SGMS1: variants seen among roughly 807,000 people sequenced by gnomAD.
SGMS1 encodes phosphatidylcholine:ceramide cholinephosphotransferase 1.
In SGMS1, 13 loss-of-function variants were observed where a neutral mutation model predicts 46.2. The ratio of observed to expected loss-of-function variants is 0.28; its 90% CI spans 0.18 to 0.45. The LOEUF (loss-of-function observed/expected upper bound fraction) is 0.45. SGMS1 is among the 20% of genes least tolerant of loss of function. The pLI is 1.00. For missense variants in SGMS1, 324 were observed against 519.9 expected (o/e 0.62, Z 3.66); for synonymous variants, 203 against 187.8 (o/e 1.08, Z -0.66).
chr10:50,566,522 T>C (rs1356335217), intron 2 of SGMS1, among the ~76,000 whole-genome samples: 2 of 152,206 alleles, frequency 1.3e-5, no homozygotes, highest in Non-Finnish European at 2.9e-5. Flanking sequence ...TCACATTCAG[T>C]TCGGTTTAAC....
At chr10:50,383,315 TC>T (rs1392249422) in intron 6 of SGMS1, among the ~76,000 whole-genome samples, 2 of 152,288 alleles carry the variant, frequency 1.3e-5, no homozygotes, top group Admixed American at 6.5e-5. Context: ...TAAAAAGATT[TC>T]CATTGTAATT....
intron 6 of SGMS1, among the ~76,000 whole-genome samples, chr10:50,386,708 G>C (rs1047160817): frequency 6.6e-6 from 1 of 152,128 alleles, no homozygotes; most frequent in Non-Finnish European, 1.5e-5. Flanking sequence ...AGCAGGTTAA[G>C]CAGAGAATTG....
At chr10:50,593,701 A>G (rs1431936302) in intron 1 of SGMS1, among the ~76,000 whole-genome samples, 1 of 152,184 alleles carries the variant, frequency 6.6e-6, no homozygotes, top group Non-Finnish European at 1.5e-5. Flanking sequence ...CCTACTATGA[A>G]TGAAACAATA....
chr10:50,588,721 ATTT>A (rs71029314), intron 2 of SGMS1, among the ~76,000 whole-genome samples: 5 of 92,230 alleles, frequency 5.4e-5, no homozygotes, highest in Admixed American at 1.3e-4. Flanking sequence ...GACTGATCTA[ATTT>A]TTTTTTTTTT....
chr10:50,306,900 C>A lies in SGMS1; in HGVS notation c.*242G>T. On this transcript the variant is annotated 3_prime_UTR_variant, in exon 11 of 11. Coordinates refer to ENST00000361781, the MANE Select transcript of SGMS1 (RefSeq NM_147156.4). ...ATGGTGGTTGCGGGTTATGTAAATCCCAAACTTATGAACAGGAAATGTGTA... is the reference window on the plus strand; with the variant it reads ...ATGGTGGTTGCGGGTTATGTAAATCACAAACTTATGAACAGGAAATGTGTA... 1 of 359,080 alleles carries A rather than the reference C, an allele frequency of 2.8e-6. No individual in the cohort carries two copies. The allele number at this position is 359,080 out of a possible 1,614,324, so 22.2% of individuals were successfully genotyped here. A position where few individuals can be genotyped will look rare whatever the true frequency, so the allele number is the denominator to read the frequency against.
chr10:50,569,834 A>G (rs1475436855), intron 2 of SGMS1, among the ~76,000 whole-genome samples: 1 of 152,038 alleles, frequency 6.6e-6, no homozygotes, highest in Non-Finnish European at 1.5e-5. Flanking sequence ...TTCCCCTCCT[A>G]AAGTCTTCAT....
In SGMS1 at chr10:50,343,602, G is replaced by C; in HGVS notation, c.513C>G (p.Asp171Glu). Residue 171 changes from aspartate (D) to glutamate (E), a missense_variant, in exon 7 of 11, where the codon GAC (aspartate) becomes GAG (glutamate). Coordinates refer to ENST00000361781, the MANE Select transcript of SGMS1 (RefSeq NM_147156.4). ...CCCGGTTAAAATGGTCAAAAAATGTGTCCGGTAGTGGAGGCTGCACCTCCT... is the reference window on the plus strand; with the variant it reads ...CCCGGTTAAAATGGTCAAAAAATGTCTCCGGTAGTGGAGGCTGCACCTCCT... ...PPKEVQPPLPDTFFDHFNRVQ... is the reference protein window; with the variant it reads ...PPKEVQPPLPETFFDHFNRVQ... 6.2e-7 allele frequency: 1 copy of C among 1,614,136 alleles called. No individual in the cohort carries two copies. Among genetic ancestry groups the C allele is most frequent in the Non-Finnish European group, 8.5e-7 (1 of 1,180,036 alleles).
chr10:50,327,982 AC>A, intron 7 of SGMS1: 1 of 308,244 alleles, frequency 3.2e-6, no homozygotes. Flanking sequence ...AAAAATTCCT[AC>A]CATATAGTAG....
chr10:50,423,829 C>G (rs113144045), intron 6 of SGMS1, among the ~76,000 whole-genome samples: 285 of 152,304 alleles, frequency 1.9e-3, no homozygotes, highest in Non-Finnish European at 3.6e-3. Context: ...TACTCAAACT[C>G]CATTCATGAC....
At chr10:50,478,053 A>G (rs906471287) in intron 3 of SGMS1, among the ~76,000 whole-genome samples, 1 of 152,272 alleles carries the variant, frequency 6.6e-6, no homozygotes, top group African/African-American at 2.4e-5. Flanking sequence ...AAAGCAAGTT[A>G]CATTCCCAGT....
intron 6 of SGMS1, among the ~76,000 whole-genome samples, chr10:50,390,761 C>T (rs1206661308): frequency 6.6e-6 from 1 of 152,174 alleles, no homozygotes; most frequent in East Asian, 1.9e-4. Context: ...AAAATGTCTA[C>T]AAGGATAGAG....
At chr10:50,389,475 T>C (rs1388915323) in intron 6 of SGMS1, among the ~76,000 whole-genome samples, 1 of 152,212 alleles carries the variant, frequency 6.6e-6, no homozygotes, top group African/African-American at 2.4e-5. Flanking sequence ...CCTCAAATTA[T>C]ACACAGACTG....
intron 3 of SGMS1, among the ~76,000 whole-genome samples, chr10:50,480,747 T>A (rs371482485): frequency 6.6e-6 from 1 of 152,086 alleles, no homozygotes; most frequent in East Asian, 1.9e-4. Context: ...GGCTGAAGGC[T>A]ACCTAAGATG....
rs561229850 is a variant in SGMS1, at chr10:50,549,355, G to A, written c.-588-29434C>T. Among the ~76,000 whole-genome samples, 358 of 152,260 alleles carry A rather than the reference G, an allele frequency of 2.4e-3. 2 individuals are homozygous for A. Among genetic ancestry groups the A allele is most frequent in the South Asian group, 5.4e-3 (26 of 4,822 alleles). On this transcript the variant is annotated intron_variant, in intron 2 of 10. Coordinates refer to ENST00000361781, the MANE Select transcript of SGMS1 (RefSeq NM_147156.4). ...GTACATATACACCATGGAATACTAC[G>A]AAGCCATAAAAAGGAATGAGATCAT...
chr10:50,529,571 T>C (rs1478085897), intron 2 of SGMS1, among the ~76,000 whole-genome samples: 2 of 152,240 alleles, frequency 1.3e-5, no homozygotes, highest in African/African-American at 4.8e-5. Context: ...TTCTGAACTT[T>C]TTTTGAATGA....
At chr10:50,549,078 G>A (rs1012465017) in intron 2 of SGMS1, among the ~76,000 whole-genome samples, 3 of 152,136 alleles carry the variant, frequency 2.0e-5, no homozygotes, top group African/African-American at 4.8e-5. Flanking sequence ...AAAAAGGAAC[G>A]CTTATATACT....
At chr10:50,374,249 C>G (rs548435683) in intron 6 of SGMS1, among the ~76,000 whole-genome samples, 1 of 152,288 alleles carries the variant, frequency 6.6e-6, no homozygotes, top group South Asian at 2.1e-4. Context: ...AAACATACAC[C>G]ATGGTTGCTG....
At chr10:50,601,987 T>C (rs1838653900) in intron 1 of SGMS1, among the ~76,000 whole-genome samples, 1 of 152,224 alleles carries the variant, frequency 6.6e-6, no homozygotes. Context: ...GGTGTGAAAT[T>C]TTCCACTTGT....
At chr10:50,327,947 G>T (rs1305317012) in intron 7 of SGMS1, 2 of 262,028 alleles carry the variant, frequency 7.6e-6, no homozygotes, top group Non-Finnish European at 7.4e-6. Context: ...TAAAATAGGG[G>T]TAACAACATT....
Sources: allele counts gnomAD v4.1 joint callset (sites outside exome capture counted in the v4.1 genomes callset), GRCh38; gene constraint gnomAD v4.1.1; transcripts MANE v1.5; gene names NCBI Gene and HGNC (gene_info 2026-07-23, HGNC 2026-07-21).